The following SNTG1 variants were observed in gnomAD, a reference collection of about 807,000 sequenced individuals.
SNTG1 encodes syntrophin gamma 1.
Under a neutral mutation model 74.7 loss-of-function variants are expected in SNTG1, and 39 were observed. The observed-to-expected ratio is 0.52, with a 90% confidence interval of 0.40 to 0.68. The LOEUF (loss-of-function observed/expected upper bound fraction) is 0.68. Among genes scored for constraint, SNTG1 ranks in the 30% least tolerant of loss-of-function variants. The probability of loss-of-function intolerance (pLI) is 0.00; values close to 1 mark genes in which losing one functional copy is unlikely to be tolerated. For missense variants in SNTG1, 685 were observed against 609.5 expected, an observed-to-expected ratio of 1.12 and a Z score of -1.30; for synonymous variants, 254 against 217.1, an observed-to-expected ratio of 1.17 and a Z score of -1.49.
chr8:50,660,623 C>T (rs928793882), intron 15 of SNTG1, among the ~76,000 whole-genome samples: 1 of 152,218 alleles, frequency 6.6e-6, no homozygotes, highest in Admixed American at 6.5e-5. Context: ...TAACGCAACA[C>T]ATATTTATAT....
rs111442440 is a variant in SNTG1, at chr8:50,469,980, T to C, written c.363+19251T>C. 7.2e-5 allele frequency among the ~76,000 whole-genome samples: 11 copies of C among 152,206 alleles called. 1 individual carries two copies. Among genetic ancestry groups the C allele is most frequent in the African/African-American group, 2.2e-4 (9 of 41,546 alleles). On this transcript the variant is annotated intron_variant, in intron 8 of 18. Transcript: ENST00000642720. ...GCAAGAGAGAGGCTGTCTCAATAAATAAATAAACAAACAGTTCTCCTTATC... is the reference window on the plus strand; with the variant it reads ...GCAAGAGAGAGGCTGTCTCAATAAACAAATAAACAAACAGTTCTCCTTATC...
chr8:50,728,064 T>A (rs1218104756), intron 17 of SNTG1, among the ~76,000 whole-genome samples: 1 of 152,106 alleles, frequency 6.6e-6, no homozygotes. Context: ...TTTGAGCAGC[T>A]GGGAAAGGTG....
At chr8:50,295,912 A>T (rs992209241) in intron 2 of SNTG1, among the ~76,000 whole-genome samples, 1 of 152,210 alleles carries the variant, frequency 6.6e-6, no homozygotes. Flanking sequence ...GATTGATAAC[A>T]AAACTCTTAA....
At chr8:50,014,668 G>C (rs1467500795) in intron 1 of SNTG1, among the ~76,000 whole-genome samples, 2 of 152,112 alleles carry the variant, frequency 1.3e-5, no homozygotes, top group Non-Finnish European at 2.9e-5. Flanking sequence ...CACGGCAAAG[G>C]ATAGAGGATC....
intron 2 of SNTG1, among the ~76,000 whole-genome samples, chr8:50,332,196 T>A (rs2090991314): frequency 6.6e-6 from 1 of 152,226 alleles, no homozygotes; most frequent in Non-Finnish European, 1.5e-5. Flanking sequence ...AGCTACCATG[T>A]TGTAAGCACC....
chr8:50,602,559 A>G (rs1031788834), intron 13 of SNTG1, among the ~76,000 whole-genome samples: 3 of 152,156 alleles, frequency 2.0e-5, no homozygotes, highest in African/African-American at 7.2e-5. Flanking sequence ...CAGTGTTATA[A>G]TAGTTTGTGT....
At chr8:50,451,910 G>A (rs1045966915) in intron 8 of SNTG1, among the ~76,000 whole-genome samples, 2 of 152,104 alleles carry the variant, frequency 1.3e-5, no homozygotes, top group Admixed American at 6.5e-5. Context: ...AGGATAAATC[G>A]TATTTAAAAG....
At chr8:50,043,490 C>A (rs749311268) in intron 1 of SNTG1, among the ~76,000 whole-genome samples, 1 of 152,132 alleles carries the variant, frequency 6.6e-6, no homozygotes, top group Non-Finnish European at 1.5e-5. Context: ...TTTATGAAAG[C>A]AGTCTGCTTT....
chr8:50,720,741 G>A (rs1025937944), intron 17 of SNTG1, among the ~76,000 whole-genome samples: 1 of 152,114 alleles, frequency 6.6e-6, no homozygotes, highest in Non-Finnish European at 1.5e-5. Context: ...TCAAATACCA[G>A]GTGATTTGTG....
intron 4 of SNTG1, among the ~76,000 whole-genome samples, chr8:50,425,809 T>C (rs2093156583): frequency 6.6e-6 from 1 of 152,132 alleles, no homozygotes; most frequent in Non-Finnish European, 1.5e-5. Flanking sequence ...GAGGGTGACG[T>C]TTGAATCAAG....
At chr8:50,154,454 C>T (rs924529658) in intron 1 of SNTG1, among the ~76,000 whole-genome samples, 19 of 152,226 alleles carry the variant, frequency 1.2e-4, no homozygotes, top group African/African-American at 2.4e-4. Context: ...CACTGTCCAA[C>T]GTGCCCCAGT....
At chr8:50,676,292 C>T (rs1285785165) in intron 15 of SNTG1, among the ~76,000 whole-genome samples, 1 of 151,752 alleles carries the variant, frequency 6.6e-6, no homozygotes, top group Non-Finnish European at 1.5e-5. Flanking sequence ...TTATGAAGTC[C>T]CATATTTCTC....
At chr8:50,031,041 C>G (rs759108850) in intron 1 of SNTG1, among the ~76,000 whole-genome samples, 6 of 151,772 alleles carry the variant, frequency 4.0e-5, no homozygotes, top group Non-Finnish European at 7.4e-5. Flanking sequence ...ACATGAAACT[C>G]TTATAGAATT....
Position 50,539,760 on chromosome 8 carries a change from A to G in SNTG1, c.680+2952A>G, listed in dbSNP as rs1361840023. Among the ~76,000 whole-genome samples the G allele has an allele frequency of 5.9e-5, 9 of 152,192 alleles. No individual in the cohort carries two copies. In the East Asian group the frequency reaches 1.5e-3, roughly 26 times the overall value. ...GGAGCCTGCTTCTTTAAGGTGTAGG[A>G]TGGAAGAACAGCTTCTTGCTAAGCC... On this transcript the variant is annotated intron_variant, in intron 11 of 18. Coordinates refer to ENST00000642720, the MANE Select transcript of SNTG1 (RefSeq NM_018967.5).
intron 17 of SNTG1, among the ~76,000 whole-genome samples, chr8:50,712,293 A>T (rs932234756): frequency 5.3e-5 from 8 of 152,196 alleles, no homozygotes; most frequent in Non-Finnish European, 8.8e-5. Flanking sequence ...TAAGAGCCAG[A>T]TTTGAAAAAA....
At chr8:50,594,713 G>T (rs965837780) in intron 13 of SNTG1, among the ~76,000 whole-genome samples, 2 of 152,066 alleles carry the variant, frequency 1.3e-5, no homozygotes, top group Non-Finnish European at 2.9e-5. Context: ...AGAAAAGAAA[G>T]AAAAGTAGGA....
chr8:50,101,883 C>T (rs372347516), intron 1 of SNTG1, among the ~76,000 whole-genome samples: 328 of 152,012 alleles, frequency 2.2e-3, no homozygotes, highest in Non-Finnish European at 3.5e-3. Flanking sequence ...ACAAAGGACA[C>T]GAACTCATCA....
chr8:50,110,581 G>A (rs532109249), intron 1 of SNTG1, among the ~76,000 whole-genome samples: 22 of 152,292 alleles, frequency 1.4e-4, no homozygotes, highest in African/African-American at 5.0e-4. Flanking sequence ...AAGCCTGGAA[G>A]AGCAAGGGGC....
At chr8:50,295,752 A>T (rs1486641896) in intron 2 of SNTG1, among the ~76,000 whole-genome samples, 1 of 152,184 alleles carries the variant, frequency 6.6e-6, no homozygotes, top group Admixed American at 6.5e-5. Flanking sequence ...TTTAAGGACA[A>T]TTTGGAATCT....
Sources: gnomAD v4.1 joint callset for allele counts (sites outside exome capture counted in the v4.1 genomes callset) on GRCh38, gnomAD v4.1.1 for gene constraint, MANE v1.5 for transcripts, NCBI Gene and HGNC (gene_info 2026-07-23, HGNC 2026-07-21) for gene names.